Variants in ST7 observed in about 807,000 individuals in gnomAD.
The protein encoded by ST7 is suppressor of tumorigenicity 7 protein.
In ST7, 28 loss-of-function variants were observed where a neutral mutation model predicts 78.7. The observed-to-expected ratio is 0.36, with a 90% confidence interval of 0.26 to 0.49. The LOEUF (loss-of-function observed/expected upper bound fraction) is 0.49. Among genes scored for constraint, ST7 ranks in the 20% least tolerant of loss-of-function variants. The pLI, the probability that ST7 is intolerant of heterozygous loss-of-function variation, is 0.99. For missense variants in ST7, 418 were observed against 696.0 expected (o/e 0.60, Z 4.49); for synonymous variants, 247 against 249.6 (o/e 0.99, Z 0.10).
intron 2 of ST7, chr7:117,118,399 T>A (rs970319017): frequency 6.6e-6 from 1 of 152,244 alleles, no homozygotes; most frequent in African/African-American, 2.4e-5. Flanking sequence ...ACATTTCGTT[T>A]GATTAATACT....
chr7:117,073,801 AC>A (rs1463637940), intron 1 of ST7: 3 of 152,256 alleles, frequency 2.0e-5, no homozygotes, highest in African/African-American at 7.2e-5. Context: ...TTAAGCAAAT[AC>A]ACAAATAAAA....
intron 15 of ST7, among the ~76,000 whole-genome samples, chr7:117,226,154 G>T (rs1793432655): frequency 6.6e-6 from 1 of 152,116 alleles, no homozygotes; most frequent in Non-Finnish European, 1.5e-5. Flanking sequence ...TTGTCTGATT[G>T]CAGTAGGGCA....
intron 9 of ST7, among the ~76,000 whole-genome samples, chr7:117,162,594 G>T (rs1189617294): frequency 6.6e-6 from 1 of 151,672 alleles, no homozygotes; most frequent in Admixed American, 6.6e-5. Context: ...GTCTCTAGGG[G>T]ATGTAGCTGG....
At chr7:117,178,215 T>C (rs150770026) in intron 10 of ST7, among the ~76,000 whole-genome samples, 398 of 152,336 alleles carry the variant, frequency 2.6e-3, no homozygotes, top group Non-Finnish European at 4.9e-3. Flanking sequence ...AGCAAGGATC[T>C]GTTGAGTCCT....
intron 1 of ST7, among the ~76,000 whole-genome samples, chr7:117,015,450 G>T (rs557957959): frequency 1.1e-4 from 16 of 152,226 alleles, no homozygotes; most frequent in Non-Finnish European, 2.2e-4. Flanking sequence ...TTAATGTAAT[G>T]AAGTGAATTG....
intron 9 of ST7, among the ~76,000 whole-genome samples, chr7:117,166,450 AT>A (rs58969985): frequency 0.29 from 41,671 of 144,770 alleles, 6,898 homozygotes; most frequent in African/African-American, 0.49. Flanking sequence ...AGTTGCTTGC[AT>A]TTTTTTTTTT....
At chr7:116,978,459 G>C (rs1248219380) in intron 1 of ST7, among the ~76,000 whole-genome samples, 1 of 152,140 alleles carries the variant, frequency 6.6e-6, no homozygotes, top group Non-Finnish European at 1.5e-5. Flanking sequence ...TTTGTTTAGG[G>C]ATAGTGGGAT....
At position 117,219,256 on chromosome 7, in the gene ST7, G is replaced by C. The variant is rs1258392762; in HGVS notation, c.1498+80G>C. The C allele has an allele frequency of 1.8e-6, 2 of 1,126,850 alleles. No homozygotes were observed. Among genetic ancestry groups the C allele is most frequent in the Non-Finnish European group, 2.6e-6 (2 of 771,750 alleles). 69.8% of individuals were successfully genotyped at this position (1,126,850 alleles called of 1,614,324 possible). On this transcript the variant is annotated intron_variant, in intron 14 of 15. Coordinates refer to ENST00000323984, the MANE Select transcript of ST7 (RefSeq NM_001369598.1). The surrounding 1 kb of genome is among the most constrained non-coding windows in gnomAD (Gnocchi z 5.1). ...GAAGAGGTGGGAATATCAAAGTTTAGAATGCTCCTTGTCTTTTATTACTTT... is the reference window on the plus strand; with the variant it reads ...GAAGAGGTGGGAATATCAAAGTTTACAATGCTCCTTGTCTTTTATTACTTT...
In ST7 at chr7:117,031,368, G is replaced by A. The variant is rs865787427; in HGVS notation, c.152-68394G>A. ...ACCTAAAATAAATGTGTGTGTGTGT[G>A]TATATGTGTGTATATATGTGTATAT... On this transcript the variant is annotated intron_variant, in intron 1 of 15. Coordinates refer to ENST00000323984, the MANE Select transcript of ST7 (RefSeq NM_001369598.1). Among the ~76,000 whole-genome samples, 18 of 111,552 alleles carry A rather than the reference G, an allele frequency of 1.6e-4. 5 individuals carry two copies. The highest frequency in any genetic ancestry group is 1.5e-3 in the East Asian group (7 of 4,646). 73.2% of individuals were successfully genotyped at this position (111,552 alleles called of 152,430 possible).
chr7:117,038,262 ATAC>A (rs1401777229), intron 1 of ST7, among the ~76,000 whole-genome samples: 1 of 152,190 alleles, frequency 6.6e-6, no homozygotes, highest in Non-Finnish European at 1.5e-5. Flanking sequence ...TACCTTGTTA[ATAC>A]TACTTTTTCT....
At chr7:117,205,309 C>G (rs1015916204) in intron 12 of ST7, among the ~76,000 whole-genome samples, 3 of 152,036 alleles carry the variant, frequency 2.0e-5, no homozygotes, top group African/African-American at 7.2e-5. Flanking sequence ...TGTGCTAATA[C>G]ATATTATTTC....
At chr7:117,084,973 A>T (rs1316370786) in intron 1 of ST7, among the ~76,000 whole-genome samples, 1 of 152,208 alleles carries the variant, frequency 6.6e-6, no homozygotes, top group African/African-American at 2.4e-5. Context: ...AGAACAGTAG[A>T]TACCTGTTCT....
intron 9 of ST7, among the ~76,000 whole-genome samples, chr7:117,164,269 G>A (rs149650640): frequency 1.3e-5 from 2 of 152,290 alleles, no homozygotes; most frequent in Admixed American, 6.5e-5. Context: ...TCAAAAAGTG[G>A]TGTTGGGGAA....
intron 1 of ST7, chr7:117,015,080 A>G: frequency 1.2e-6 from 1 of 844,360 alleles, no homozygotes; most frequent in Non-Finnish European, 1.6e-6. Flanking sequence ...TTTTGAATTT[A>G]TATTTTAAAA....
intron 1 of ST7, among the ~76,000 whole-genome samples, chr7:117,034,720 T>A (rs1796788524): frequency 6.6e-6 from 1 of 152,210 alleles, no homozygotes; most frequent in Non-Finnish European, 1.5e-5. Flanking sequence ...TTTAAAAAGC[T>A]TTATGATATT....
Position 117,134,770 on chromosome 7 carries a change from C to T in ST7, c.710+578C>T, listed in dbSNP as rs558685216. Among the ~76,000 whole-genome samples the T allele has an allele frequency of 3.9e-5, 6 of 152,072 alleles. No homozygotes were observed. The South Asian group carries it at 1.2e-3, about 32-fold the overall frequency. On this transcript the variant is annotated intron_variant, in intron 7 of 15. Coordinates refer to ENST00000323984, the MANE Select transcript of ST7 (RefSeq NM_001369598.1). ...GTTTCAGCATCATTATGGTTCTTTC[C>T]AAGTCATGGATGCTGCCATCTGTAG...
intron 1 of ST7, among the ~76,000 whole-genome samples, chr7:117,016,081 A>G (rs192401009): frequency 7.2e-5 from 11 of 152,316 alleles, no homozygotes; most frequent in Middle Eastern, 3.4e-3. Context: ...TGTGGTAGAT[A>G]CTTTTTGAAG....
At chr7:117,229,459 T>G (rs534128050) in intron 15 of ST7, among the ~76,000 whole-genome samples, 116 of 152,362 alleles carry the variant, frequency 7.6e-4, no homozygotes, top group South Asian at 2.1e-4. Context: ...ACCAGTCATC[T>G]GCATGGCAGC....
intron 3 of ST7, among the ~76,000 whole-genome samples, chr7:117,127,312 T>C (rs1266882674): frequency 6.6e-6 from 1 of 151,942 alleles, no homozygotes; most frequent in Non-Finnish European, 1.5e-5. Flanking sequence ...TCTCTATCAC[T>C]AAACCATCAC....
Sources: allele counts gnomAD v4.1 joint callset (sites outside exome capture counted in the v4.1 genomes callset), GRCh38; gene constraint gnomAD v4.1.1; non-coding constraint Gnocchi (gnomAD v3.1); transcripts MANE v1.5; gene names NCBI Gene and HGNC (gene_info 2026-07-23, HGNC 2026-07-21).